ADAMTS17: variants seen among roughly 807,000 people sequenced by gnomAD.
ADAMTS17 encodes A disintegrin and metalloproteinase with thrombospondin motifs 17.
A neutral mutation model predicts 141.5 loss-of-function variants in ADAMTS17; 113 were observed. The ratio of observed to expected loss-of-function variants is 0.80; its 90% CI spans 0.69 to 0.93. The LOEUF is 0.93. Among genes scored for constraint, ADAMTS17 ranks in the 40% least tolerant of loss-of-function variants. ADAMTS17 has a pLI of 0.00. For missense variants in ADAMTS17, 1,659 were observed against 1,517.9 expected (o/e 1.09, Z -1.54); for synonymous variants, 768 against 630.6 (o/e 1.22, Z -3.27).
intron 20 of ADAMTS17, among the ~76,000 whole-genome samples, chr15:99,983,353 G>A (rs547304633): frequency 8.5e-5 from 13 of 152,138 alleles, no homozygotes; most frequent in South Asian, 8.3e-4. Flanking sequence ...GTTTCAGAGC[G>A]TCCATGTAAG....
intron 15 of ADAMTS17, among the ~76,000 whole-genome samples, chr15:100,058,926 C>T (rs182230229): frequency 7.7e-4 from 118 of 152,288 alleles, no homozygotes; most frequent in African/African-American, 2.6e-3. Context: ...ACATACTGGA[C>T]AACAGAGTGC....
intron 10 of ADAMTS17, among the ~76,000 whole-genome samples, chr15:100,142,052 C>G (rs2038682404): frequency 6.6e-6 from 1 of 152,214 alleles, no homozygotes; most frequent in African/African-American, 2.4e-5. Flanking sequence ...GGAAGAATCT[C>G]CAGGGAAGCT....
At chr15:100,100,041 C>G (rs780671675) in intron 14 of ADAMTS17, among the ~76,000 whole-genome samples, 1 of 152,174 alleles carries the variant, frequency 6.6e-6, no homozygotes, top group Non-Finnish European at 1.5e-5. Context: ...TGCTCTACAG[C>G]GTCCGCTGTG....
chr15:100,013,507 G>A (rs1161385623), intron 18 of ADAMTS17, among the ~76,000 whole-genome samples: 1 of 152,150 alleles, frequency 6.6e-6, no homozygotes, highest in African/African-American at 2.4e-5. Flanking sequence ...TCAGTACTGT[G>A]TTGGCTGTGG....
intron 7 of ADAMTS17, among the ~76,000 whole-genome samples, chr15:100,232,539 G>C (rs770122798): frequency 5.9e-5 from 9 of 152,226 alleles, no homozygotes; most frequent in Non-Finnish European, 1.3e-4. Flanking sequence ...ACGCTGGTGG[G>C]ACGTAGATGC....
At chr15:100,022,448 G>T (rs879942095) in intron 18 of ADAMTS17, among the ~76,000 whole-genome samples, 1 of 152,132 alleles carries the variant, frequency 6.6e-6, no homozygotes, top group Non-Finnish European at 1.5e-5. Context: ...AGTGACAGTG[G>T]GATAAGTCTA....
At position 100,320,498 on chromosome 15, in the gene ADAMTS17, A is replaced by G. The variant is rs577336065; in HGVS notation, c.616+10391T>C. Among the ~76,000 whole-genome samples, 21 of 152,224 alleles carry G rather than the reference A, an allele frequency of 1.4e-4. No homozygotes were observed. The South Asian group carries it at 4.4e-3, about 32-fold the overall frequency. ...ACAATAGTATCTTTAAAGTGTGAAGACTCAACCTAGGATTCCACATTTGGA... is the reference window on the plus strand; with the variant it reads ...ACAATAGTATCTTTAAAGTGTGAAGGCTCAACCTAGGATTCCACATTTGGA... On this transcript the variant is annotated intron_variant, in intron 3 of 21. Coordinates refer to ENST00000268070, the MANE Select transcript of ADAMTS17 (RefSeq NM_139057.4).
intron 7 of ADAMTS17, among the ~76,000 whole-genome samples, chr15:100,234,341 T>C (rs8024362): frequency 0.18 from 27,886 of 152,098 alleles, 3,164 homozygotes; most frequent in African/African-American, 0.32. Flanking sequence ...CGTTCCACAT[T>C]TGATCCCCAG....
At chr15:100,103,702 C>T (rs1297422377) in intron 14 of ADAMTS17, among the ~76,000 whole-genome samples, 1 of 152,170 alleles carries the variant, frequency 6.6e-6, no homozygotes, top group African/African-American at 2.4e-5. Context: ...CCTCAGCCTC[C>T]TTAGCTGGAA....
chr15:100,049,162 AG>A (rs2031946364), intron 17 of ADAMTS17, among the ~76,000 whole-genome samples, 170 bp from the exon 18 acceptor site: 1 of 152,226 alleles, frequency 6.6e-6, no homozygotes, highest in Admixed American at 6.5e-5. Context: ...CTATAATCGT[AG>A]GGAGGAGAGT....
In ADAMTS17 at chr15:100,181,479, G is replaced by A. The variant is rs576862204; in HGVS notation, c.1181+17839C>T. 5.9e-5 allele frequency among the ~76,000 whole-genome samples: 9 copies of A among 152,304 alleles called. No homozygotes were observed. In the East Asian group the frequency reaches 9.7e-4, roughly 16 times the overall value. ...GCCAAGGCCCATGGCATACTACCTGGGTATACCTCTGATTATTCAGGGCTG... is the reference window on the plus strand; with the variant it reads ...GCCAAGGCCCATGGCATACTACCTGAGTATACCTCTGATTATTCAGGGCTG... On this transcript the variant is annotated intron_variant, in intron 8 of 21. Transcript: ENST00000268070.
At chr15:100,000,084 T>C (rs1245606365) in intron 18 of ADAMTS17, among the ~76,000 whole-genome samples, 1 of 152,184 alleles carries the variant, frequency 6.6e-6, no homozygotes, top group Non-Finnish European at 1.5e-5. Flanking sequence ...TACAACAGTG[T>C]CTGGCACACC....
At chr15:100,282,224 C>T (rs2044309399) in intron 3 of ADAMTS17, among the ~76,000 whole-genome samples, 1 of 152,236 alleles carries the variant, frequency 6.6e-6, no homozygotes. Context: ...AAGTCTCTCT[C>T]ATTTGATAGT....
intron 4 of ADAMTS17, among the ~76,000 whole-genome samples, chr15:100,263,071 A>C (rs566336179): frequency 6.6e-6 from 1 of 152,336 alleles, no homozygotes; most frequent in South Asian, 2.1e-4. Context: ...GTTAAAAAAA[A>C]CCACGCATAC....
chr15:99,982,883 C>T (rs1192457446), intron 20 of ADAMTS17, among the ~76,000 whole-genome samples: 1 of 152,188 alleles, frequency 6.6e-6, no homozygotes, highest in African/African-American at 2.4e-5. Flanking sequence ...GCAGCCTCTG[C>T]ATCTGTCCAC....
intron 15 of ADAMTS17, among the ~76,000 whole-genome samples, chr15:100,074,842 T>C (rs1370093419): frequency 6.6e-6 from 1 of 152,162 alleles, no homozygotes; most frequent in African/African-American, 2.4e-5. Context: ...TTTAAACTTA[T>C]TTACAGAACC....
At chr15:99,976,750 G>C in intron 20 of ADAMTS17, 1 of 197,596 alleles carries the variant, frequency 5.1e-6, no homozygotes, top group East Asian at 1.4e-4. Context: ...CCAGGCACTG[G>C]ATTTGTTAGC....
At chr15:100,214,646 T>C (rs1296470744) in intron 7 of ADAMTS17, among the ~76,000 whole-genome samples, 1 of 152,244 alleles carries the variant, frequency 6.6e-6, no homozygotes, top group East Asian at 1.9e-4. Flanking sequence ...CACTTCTTAA[T>C]GGTACTGCTG....
At chr15:100,081,950 A>G (rs1331939154) in intron 15 of ADAMTS17, among the ~76,000 whole-genome samples, 1 of 152,224 alleles carries the variant, frequency 6.6e-6, no homozygotes, top group Non-Finnish European at 1.5e-5. Context: ...AAATGTCCAT[A>G]ACATATATTA....
Sources: gnomAD v4.1 joint callset for allele counts (sites outside exome capture counted in the v4.1 genomes callset) on GRCh38, gnomAD v4.1.1 for gene constraint, MANE v1.5 for transcripts, NCBI Gene and HGNC (gene_info 2026-07-23, HGNC 2026-07-21) for gene names.